Variants in ADAMTS16 observed in about 807,000 individuals in gnomAD.
ADAMTS16 encodes A disintegrin and metalloproteinase with thrombospondin motifs 16.
In ADAMTS16, 94 loss-of-function variants were observed where a neutral mutation model predicts 145.8. That is an observed-to-expected ratio of 0.64 (90% CI 0.55 to 0.77). The LOEUF is 0.77. ADAMTS16 is among the 30% of genes least tolerant of loss of function. ADAMTS16 has a pLI of 0.00. For missense variants in ADAMTS16, 1,585 were observed against 1,591.5 expected (o/e 1.00, Z 0.07); for synonymous variants, 659 against 604.3 (o/e 1.09, Z -1.33).
intron 18 of ADAMTS16, among the ~76,000 whole-genome samples, chr5:5,297,254 T>G (rs1192781843): frequency 6.6e-6 from 1 of 152,128 alleles, no homozygotes; most frequent in Non-Finnish European, 1.5e-5. Context: ...TATATGGCTG[T>G]GGATCACAGC....
chr5:5,191,296 C>T (rs927860832), intron 7 of ADAMTS16, among the ~76,000 whole-genome samples: 1 of 152,200 alleles, frequency 6.6e-6, no homozygotes, highest in Middle Eastern at 3.2e-3. Context: ...CACACCCATT[C>T]TCTACAGCAC....
At chr5:5,152,877 C>G (rs1003394620) in intron 3 of ADAMTS16, among the ~76,000 whole-genome samples, 18 of 152,264 alleles carry the variant, frequency 1.2e-4, no homozygotes, top group Middle Eastern at 3.4e-3. Context: ...GGGTGAAATC[C>G]CACATTGCTC....
Position 5,186,149 on chromosome 5 carries a change from T to G in ADAMTS16, c.861T>G (p.Asn287Lys). ...GCTCTCTTCTGAGGTCCCATAGAAA[T>G]GAAGAACTGAACGTGGAGACCTTGG... is the stretch of plus-strand genomic sequence containing the variant. ...HKRSLLRSHR[N>K]EELNVETLVV... Residue 287 changes from asparagine (N) to lysine (K), a missense_variant, in exon 5 of 23, where the codon AAT becomes AAG. Coordinates refer to ENST00000274181, the MANE Select transcript of ADAMTS16 (RefSeq NM_139056.4). 1 of 1,614,028 alleles carries G rather than the reference T, an allele frequency of 6.2e-7. No homozygotes were observed. Among genetic ancestry groups the G allele is most frequent in the Non-Finnish European group, 8.5e-7 (1 of 1,180,020 alleles).
In ADAMTS16 at chr5:5,195,258, T is replaced by TA. The variant is rs559813641; in HGVS notation, c.1313+3471dup. ...TACAAGGAGAGTTTCCTGGTTATGT[T>TA]AAATCACTTGACACAGGACATGTGG... On this transcript the variant is annotated intron_variant, in intron 8 of 22. Coordinates refer to ENST00000274181, the MANE Select transcript of ADAMTS16 (RefSeq NM_139056.4). 6.6e-5 allele frequency among the ~76,000 whole-genome samples: 10 copies of TA among 152,314 alleles called. No individual in the cohort carries two copies. The South Asian group carries it at 2.1e-3, about 32-fold the overall frequency.
rs1439041531 is a variant in ADAMTS16, at chr5:5,186,170, C to G, written c.882C>G (p.Thr294=). The G allele has an allele frequency of 6.2e-6, 10 of 1,614,016 alleles. No homozygotes were observed. Among genetic ancestry groups the G allele is most frequent in the South Asian group, 1.1e-5 (1 of 91,064 alleles). Reference sequence around the variant, plus strand: ...GAAATGAAGAACTGAACGTGGAGACCTTGGTGGTGGTCGACAAAAAGATGA... The same window carrying G: ...GAAATGAAGAACTGAACGTGGAGACGTTGGTGGTGGTCGACAAAAAGATGA... ...SHRNEELNVE[T]LVVVDKKMMQ... is the part of the protein sequence containing the mutation. The change falls in exon 5 of 23, where the codon ACC becomes ACG. Residue 294 remains threonine, a synonymous_variant. Transcript: ENST00000274181.
intron 13 of ADAMTS16, among the ~76,000 whole-genome samples, chr5:5,235,710 TA>T (rs1380937674): frequency 6.6e-6 from 1 of 152,200 alleles, no homozygotes; most frequent in Non-Finnish European, 1.5e-5. Context: ...GGGAAAGAAA[TA>T]AGTGTTGTTT....
intron 18 of ADAMTS16, among the ~76,000 whole-genome samples, chr5:5,286,361 T>G (rs569510955): frequency 6.6e-6 from 1 of 152,336 alleles, no homozygotes; most frequent in Admixed American, 6.5e-5. Context: ...CCTCCTCATA[T>G]TCCCTTAGTT....
At chr5:5,273,762 C>G (rs1370914609) in intron 18 of ADAMTS16, among the ~76,000 whole-genome samples, 1 of 152,214 alleles carries the variant, frequency 6.6e-6, no homozygotes, top group Non-Finnish European at 1.5e-5. Flanking sequence ...GCATACGTCT[C>G]TAATGAAAGT....
intron 10 of ADAMTS16, among the ~76,000 whole-genome samples, chr5:5,216,609 A>ATT (rs56086801): frequency 5.2e-4 from 73 of 141,562 alleles, no homozygotes; most frequent in African/African-American, 1.1e-3. Context: ...TTTTTTTTCT[A>ATT]TTTTTTTTTA....
intron 4 of ADAMTS16, 87 bp downstream of exon 4, chr5:5,182,392 G>T (rs2126560665): frequency 6.6e-7 from 1 of 1,506,542 alleles, no homozygotes; most frequent in Non-Finnish European, 8.9e-7. Flanking sequence ...TTCAAAGCAT[G>T]TCTGCCCACG....
intron 17 of ADAMTS16, among the ~76,000 whole-genome samples, chr5:5,252,976 T>C (rs551159719): frequency 6.6e-6 from 1 of 152,320 alleles, no homozygotes; most frequent in South Asian, 2.1e-4. Context: ...ATACCCTCTT[T>C]TTCATTCCAT....
chr5:5,297,361 A>G (rs1454121724), intron 18 of ADAMTS16, among the ~76,000 whole-genome samples: 3 of 152,194 alleles, frequency 2.0e-5, no homozygotes, highest in East Asian at 3.9e-4. Flanking sequence ...TCTTCCCTGG[A>G]AAGTGGGCAG....
At position 5,303,275 on chromosome 5, in the gene ADAMTS16, G is replaced by A. The variant is rs995733642; in HGVS notation, c.2797G>A (p.Val933Met). 1.2e-5 allele frequency: 19 copies of A among 1,570,024 alleles called. No individual in the cohort carries two copies. The highest frequency in any genetic ancestry group is 4.7e-5 in the South Asian group (4 of 84,694). ...KVSACPPSWS[V>M]GNWSACSRTC... is the part of the protein sequence containing the mutation. ...CTCTTTGTCCCTGCCCAGCTGGTCC[G>A]TGGGGAACTGGAGTGCCTGCAGTCG... Residue 933 changes from valine (V) to methionine (M), a missense_variant, in exon 19 of 23, where the codon GTG (valine) becomes ATG (methionine). Physicochemically the swap from Val to Met is conservative, Grantham distance 21 (BLOSUM62 1). This residue lies in a region of ADAMTS16 where 834 missense variants were observed against 811.7 expected (regional missense o/e 1.03). Coordinates refer to ENST00000274181, the MANE Select transcript of ADAMTS16 (RefSeq NM_139056.4).
intron 10 of ADAMTS16, among the ~76,000 whole-genome samples, chr5:5,220,273 A>C (rs6898858): frequency 0.2 from 30,444 of 148,580 alleles, 3,637 homozygotes; most frequent in East Asian, 0.5. Context: ...CATTCTCCTG[A>C]CTCAGCCTCC....
intron 18 of ADAMTS16, among the ~76,000 whole-genome samples, chr5:5,265,985 AGT>A (rs71604122): frequency 0.42 from 58,937 of 140,954 alleles, 13,513 homozygotes; most frequent in Non-Finnish European, 0.52. Flanking sequence ...GACTTAAAGA[AGT>A]GTGTGTGTGT....
At chr5:5,249,627 T>G (rs534828602) in intron 17 of ADAMTS16, among the ~76,000 whole-genome samples, 73 of 151,542 alleles carry the variant, frequency 4.8e-4, no homozygotes, top group African/African-American at 1.7e-3. Context: ...CAATACTCTC[T>G]CAGCTCTGCC....
intron 3 of ADAMTS16, 131 bp from the exon 4 acceptor site, chr5:5,181,913 A>G (rs763407997): frequency 2.6e-5 from 27 of 1,056,118 alleles, no homozygotes; most frequent in Admixed American, 5.2e-5. Flanking sequence ...AACCTTTCCA[A>G]TGTTCGCTCT....
chr5:5,189,845 A>T, intron 6 of ADAMTS16, 126 bp from the exon 7 acceptor site: 2 of 1,168,290 alleles, frequency 1.7e-6, no homozygotes, highest in Non-Finnish European at 2.5e-6. Context: ...GCGTTAGCTT[A>T]TATGCCATCC....
chr5:5,274,469 T>C (rs1470298569), intron 18 of ADAMTS16, among the ~76,000 whole-genome samples: 2 of 152,170 alleles, frequency 1.3e-5, no homozygotes, highest in African/African-American at 2.4e-5. Context: ...ATGCAACCTC[T>C]TCAGATTGGC....
Sources: allele counts gnomAD v4.1 joint callset (sites outside exome capture counted in the v4.1 genomes callset), GRCh38; gene constraint gnomAD v4.1.1; regional missense constraint gnomAD v4.1.1; transcripts MANE v1.5; gene names NCBI Gene and HGNC (gene_info 2026-07-23, HGNC 2026-07-21).